ENPP1: variants seen among roughly 807,000 people sequenced by gnomAD.
The protein encoded by ENPP1 is ectonucleotide pyrophosphatase/phosphodiesterase 1, also known as ectonucleotide pyrophosphatase/phosphodiesterase family member 1.
ENPP1 carries 73 observed loss-of-function variants against 122.8 expected under a neutral mutation model. The ratio of observed to expected loss-of-function variants is 0.59; its 90% CI spans 0.49 to 0.72. The LOEUF is 0.72. ENPP1 is among the 30% of genes least tolerant of loss of function. The pLI is 0.00. For synonymous variants in ENPP1, 367 were observed against 391.6 expected, an observed-to-expected ratio of 0.94 and a Z score of 0.74; for missense variants, 978 against 1,128.1, an observed-to-expected ratio of 0.87 and a Z score of 1.91.
In ENPP1 at chr6:131,890,515, G is replaced by GT. The variant is rs1782455247; in HGVS notation, c.*10dup. ...AACCTTTAGCCAAGAAGACTGATAT[G>GT]TTTTTTATCCCCAAACACCATGAAT... On this transcript the variant is annotated 3_prime_UTR_variant, in exon 25 of 25. Transcript: ENST00000647893. 6.2e-7 allele frequency: 1 copy of GT among 1,610,868 alleles called. No homozygotes were observed. Among genetic ancestry groups the GT allele is most frequent in the African/African-American group, 1.3e-5 (1 of 74,980 alleles).
intron 4 of ENPP1, among the ~76,000 whole-genome samples, chr6:131,851,832 A>T (rs1333136791): frequency 6.6e-6 from 1 of 152,176 alleles, no homozygotes; most frequent in Non-Finnish European, 1.5e-5. Context: ...ACACCAAAAT[A>T]CCAAGGATTT....
At chr6:131,813,758 G>T (rs1174995167) in intron 1 of ENPP1, among the ~76,000 whole-genome samples, 6 of 152,120 alleles carry the variant, frequency 3.9e-5, no homozygotes, top group African/African-American at 7.2e-5. Context: ...AAGTGCGTTT[G>T]ACCTCTCTTC....
intron 2 of ENPP1, 39 bp downstream of exon 2, chr6:131,847,887 G>GTC: frequency 2.9e-6 from 4 of 1,392,352 alleles, no homozygotes; most frequent in Non-Finnish European, 4.0e-6. Context: ...GTGTGTGTGT[G>GTC]TGTGTGTATG....
At chr6:131,837,368 A>G (rs1022350018) in intron 1 of ENPP1, among the ~76,000 whole-genome samples, 5 of 151,986 alleles carry the variant, frequency 3.3e-5, no homozygotes, top group Admixed American at 1.3e-4. Context: ...TCTACTAAAA[A>G]TACAAAACTT....
chr6:131,872,329 G>A (rs974984440), intron 14 of ENPP1, among the ~76,000 whole-genome samples: 1 of 152,006 alleles, frequency 6.6e-6, no homozygotes, highest in South Asian at 2.1e-4. Flanking sequence ...ATTTATATGA[G>A]AAGAAGAAAT....
chr6:131,816,785 T>C (rs894267500), intron 1 of ENPP1, among the ~76,000 whole-genome samples: 4 of 152,214 alleles, frequency 2.6e-5, no homozygotes, highest in Non-Finnish European at 5.9e-5. Flanking sequence ...TTTGTAGCAC[T>C]TGGCAGCTTT....
intron 1 of ENPP1, among the ~76,000 whole-genome samples, chr6:131,845,192 C>T (rs1208606226): frequency 6.6e-6 from 1 of 150,594 alleles, no homozygotes; most frequent in Non-Finnish European, 1.5e-5. Context: ...ACCACTGCAC[C>T]TGGCTAATTT....
Position 131,864,939 on chromosome 6 carries a change from G to A in ENPP1, c.1164+1G>A, listed in dbSNP as rs1782070958. Reference sequence around the variant, plus strand: ...TTCATATGGACCAGTCAGCAGTGAAGTAAGTACATTTTTATCAGTAATTAT... The same window carrying A: ...TTCATATGGACCAGTCAGCAGTGAAATAAGTACATTTTTATCAGTAATTAT... On this transcript the variant is annotated splice_donor_variant, in intron 11 of 24. Coordinates refer to ENST00000647893, the MANE Select transcript of ENPP1 (RefSeq NM_006208.3). LOFTEE classifies it high-confidence loss of function. 6.4e-7 allele frequency: 1 copy of A among 1,563,594 alleles called. No individual in the cohort carries two copies. Among genetic ancestry groups the A allele is most frequent in the Non-Finnish European group, 8.8e-7 (1 of 1,134,168 alleles).
intron 16 of ENPP1, among the ~76,000 whole-genome samples, chr6:131,874,672 G>A (rs1245164436): frequency 4.6e-5 from 7 of 151,900 alleles, no homozygotes; most frequent in African/African-American, 1.5e-4. Context: ...CCCTAATCTA[G>A]CAATCCCACT....
At position 131,880,003 on chromosome 6, in the gene ENPP1, C is replaced by T; in HGVS notation, c.2069C>T (p.Pro690Leu). 1 of 1,614,064 alleles carries T rather than the reference C, an allele frequency of 6.2e-7. No homozygotes were observed. The highest frequency in any genetic ancestry group is 8.5e-7 in the Non-Finnish European group (1 of 1,179,952). ...GGATACAGCCAAGACATCTTAATGC[C>T]CCTTTGGACATCCTATACCGTGGAC... ...MSGYSQDILM[P>L]LWTSYTVDRN... The change falls in exon 20 of 25, where the codon CCC becomes CTC. Residue 690 changes from proline to leucine, a missense_variant. Pro to Leu is a moderately conservative substitution (Grantham distance 98). Coordinates refer to ENST00000647893, the MANE Select transcript of ENPP1 (RefSeq NM_006208.3).
intron 1 of ENPP1, among the ~76,000 whole-genome samples, chr6:131,845,471 T>A (rs1220739000): frequency 4.5e-4 from 52 of 116,020 alleles, no homozygotes; most frequent in Middle Eastern, 4.9e-3. Context: ...TTTTTTTTAA[T>A]TTTTTTTGAG....
At chr6:131,814,511 T>C (rs1781392572) in intron 1 of ENPP1, among the ~76,000 whole-genome samples, 1 of 152,204 alleles carries the variant, frequency 6.6e-6, no homozygotes, top group South Asian at 2.1e-4. Context: ...GAGTATATGC[T>C]GTGAAAGACT....
intron 1 of ENPP1, among the ~76,000 whole-genome samples, chr6:131,832,185 TC>T (rs1781622860): frequency 1.3e-5 from 2 of 152,020 alleles, no homozygotes; most frequent in Admixed American, 6.6e-5. Flanking sequence ...TTTTTTTTTT[TC>T]CTTACAGATT....
At chr6:131,852,143 G>A (rs1192990328) in intron 4 of ENPP1, 32 bp from the exon 5 acceptor site, 1 of 1,370,850 alleles carries the variant, frequency 7.3e-7, no homozygotes. Flanking sequence ...ACTGTTAAGT[G>A]TGTTCATTTT....
At position 131,894,607 on chromosome 6, in the gene ENPP1, A is replaced by T. The variant is rs565247638; in HGVS notation, c.*4096A>T. The T allele has an allele frequency of 6.6e-6, 1 of 152,298 alleles. No homozygotes were observed. The highest frequency in any genetic ancestry group is 1.9e-4 in the East Asian group (1 of 5,178). 9.4% of individuals were successfully genotyped at this position (152,298 alleles called of 1,614,324 possible). On this transcript the variant is annotated 3_prime_UTR_variant, in exon 25 of 25. Coordinates refer to ENST00000647893, the MANE Select transcript of ENPP1 (RefSeq NM_006208.3). ...GTGAGGTAAGTAACTTCCATAGAAA[A>T]TTTCCATCAGTTCATTCATGAAAGA...
chr6:131,821,547 A>G (rs1299535344), intron 1 of ENPP1, among the ~76,000 whole-genome samples: 1 of 151,960 alleles, frequency 6.6e-6, no homozygotes, highest in East Asian at 1.9e-4. Flanking sequence ...TGCATATACC[A>G]TCTCTGTCTT....
chr6:131,868,707 T>G (rs1247985354), intron 12 of ENPP1, among the ~76,000 whole-genome samples: 1 of 152,222 alleles, frequency 6.6e-6, no homozygotes, highest in Non-Finnish European at 1.5e-5. Context: ...TCCAAAGTAG[T>G]GGGATTACAG....
chr6:131,818,189 G>C (rs922221095), intron 1 of ENPP1, among the ~76,000 whole-genome samples: 1 of 152,010 alleles, frequency 6.6e-6, no homozygotes. Context: ...CCCTTTCACT[G>C]TGTTGACTTT....
chr6:131,846,436 T>C (rs1197456811), intron 1 of ENPP1, among the ~76,000 whole-genome samples: 1 of 152,190 alleles, frequency 6.6e-6, no homozygotes, highest in African/African-American at 2.4e-5. Flanking sequence ...TGCTGTGTTC[T>C]GTCCTCTCTT....
Sources: allele counts gnomAD v4.1 joint callset (sites outside exome capture counted in the v4.1 genomes callset), GRCh38; gene constraint gnomAD v4.1.1; transcripts MANE v1.5; gene names NCBI Gene and HGNC (gene_info 2026-07-23, HGNC 2026-07-21).